PRDM15: variants seen among roughly 807,000 people sequenced by gnomAD.
PRDM15 encodes the protein PR domain zinc finger protein 15.
A neutral mutation model predicts 128.6 loss-of-function variants in PRDM15; 64 were observed. The ratio of observed to expected loss-of-function variants is 0.50; its 90% CI spans 0.41 to 0.61. The LOEUF (loss-of-function observed/expected upper bound fraction) is 0.61, where lower values mean the gene tolerates loss of function less well. Ranked by LOEUF, PRDM15 falls within the 20% of genes least tolerant of loss-of-function variation. PRDM15 has a pLI of 0.00. For synonymous variants in PRDM15, 615 were observed against 621.8 expected (o/e 0.99, Z 0.16); for missense variants, 1,242 against 1,569.1 (o/e 0.79, Z 3.52).
chr21:41,854,626 C>T lies in PRDM15; in HGVS notation c.478G>A (p.Ala160Thr). ...TTGTCCATCTTCTTGGCATAGAAGG[C>T]CGCATACCACACGCGCAGCTCGGTA... is the stretch of plus-strand genomic sequence containing the variant. ...PGTELRVWYAAFYAKKMDKPM... is the reference protein window; with the variant it reads ...PGTELRVWYATFYAKKMDKPM... The change falls in exon 5 of 24, where the codon GCC becomes ACC. Residue 160 changes from alanine (A) to threonine (T), a missense_variant. Physicochemically the swap from Ala to Thr is moderately conservative, Grantham distance 58. Coordinates refer to ENST00000398548, the MANE Select transcript of PRDM15 (RefSeq NM_001040424.3). The surrounding 1 kb of genome is among the most constrained non-coding windows in gnomAD (Gnocchi z 4.6). The T allele has an allele frequency of 6.2e-7, 1 of 1,613,756 alleles. No homozygotes were observed. Among genetic ancestry groups the T allele is most frequent in the South Asian group, 1.1e-5 (1 of 91,086 alleles).
At chr21:41,848,283 T>A (rs1387128704) in intron 5 of PRDM15, among the ~76,000 whole-genome samples, 1 of 152,256 alleles carries the variant, frequency 6.6e-6, no homozygotes, top group Non-Finnish European at 1.5e-5. Flanking sequence ...AGGAAAAAGA[T>A]ATAGGTTACT....
In PRDM15 at chr21:41,859,811, A is replaced by G; in HGVS notation, c.38-126T>C. 5.3e-6 allele frequency: 4 copies of G among 752,362 alleles called. No homozygotes were observed. The highest frequency in any genetic ancestry group is 4.6e-5 in the South Asian group (3 of 64,840). 46.6% of individuals were successfully genotyped at this position (752,362 alleles called of 1,614,324 possible). A position where few individuals can be genotyped will look rare whatever the true frequency, so the allele number is the denominator to read the frequency against. ...AGTCATGAGACACATGCATGCCGAC[A>G]CTGCAAAGACAAGCAAGGGAGGGTG... On this transcript the variant is annotated intron_variant, in intron 2 of 23. Transcript: ENST00000398548. This position sits in a 1 kb window ranked among gnomAD's most constrained non-coding sequence, Gnocchi z 5.3.
In PRDM15 at chr21:41,823,249, A is replaced by G. The variant is rs192004157; in HGVS notation, c.1761+69T>C. 1.2e-5 allele frequency: 19 copies of G among 1,572,208 alleles called. No homozygotes were observed. In the Admixed American group the frequency reaches 2.9e-4, roughly 24 times the overall value. On this transcript the variant is annotated intron_variant, in intron 14 of 23. Transcript: ENST00000398548. ...TGCCCACAGAACTCTGCTATGGCTG[A>G]CTGTGACAGACGCTGGCCTGGGGGC...
At chr21:41,853,757 A>G (rs2063497106) in intron 5 of PRDM15, among the ~76,000 whole-genome samples, 1 of 152,180 alleles carries the variant, frequency 6.6e-6, no homozygotes, top group Admixed American at 6.5e-5. Context: ...CTTTCTTTGA[A>G]CACGCATGCA....
Position 41,801,417 on chromosome 21 carries a change from G to A in PRDM15, c.3249C>T (p.Thr1083=). 6.2e-7 allele frequency: 1 copy of A among 1,614,098 alleles called. No individual in the cohort carries two copies. The highest frequency in any genetic ancestry group is 8.5e-7 in the Non-Finnish European group (1 of 1,179,966). ...QSVAHFINLT[T]LVNSITPLGS... is the part of the protein sequence containing the mutation. ...CCAGGGGCGTGATGGAGTTGACCAG[G>A]GTCGTCAGGTTGATGAAATGGGCCA... The change falls in exon 24 of 24, where the codon ACC becomes ACT. Residue 1083 remains threonine (T), a synonymous_variant. Transcript: ENST00000398548.
chr21:41,830,469 CCACA>C (rs1213353547), intron 11 of PRDM15, among the ~76,000 whole-genome samples: 1 of 151,112 alleles, frequency 6.6e-6, no homozygotes, highest in Admixed American at 6.6e-5. Context: ...CACACATACA[CCACA>C]CACACACTGA....
intron 10 of PRDM15, 31 bp from the exon 11 acceptor site, chr21:41,835,555 G>C: frequency 6.3e-7 from 1 of 1,581,420 alleles, no homozygotes; most frequent in Non-Finnish European, 8.6e-7. Context: ...TGAGTGAGAT[G>C]GCCCAGCGCA....
At chr21:41,812,750 ACTGCC>A (rs1203149425) in intron 19 of PRDM15, 1 of 152,254 alleles carries the variant, frequency 6.6e-6, no homozygotes, top group East Asian at 1.9e-4. Flanking sequence ...GCTGTGGGCC[ACTGCC>A]CTGAGGAACG....
chr21:41,821,846 G>C lies in PRDM15; in HGVS notation c.1896+57C>G. The C allele has an allele frequency of 6.2e-7, 1 of 1,606,206 alleles. No individual in the cohort carries two copies. Among genetic ancestry groups the C allele is most frequent in the Non-Finnish European group, 8.5e-7 (1 of 1,177,316 alleles). On this transcript the variant is annotated intron_variant, in intron 15 of 23. Transcript: ENST00000398548. The surrounding 1 kb of genome is among the most constrained non-coding windows in gnomAD (Gnocchi z 5.4). The stretch of plus-strand genomic sequence containing the variant: ...CCTGCTGTGTGGGGCCCACAGCCTT[G>C]AAACGACCACCTTCCTCTCCAGACC...
chr21:41,833,238 ACAC>A (rs2062756727), intron 11 of PRDM15, among the ~76,000 whole-genome samples: 1 of 152,080 alleles, frequency 6.6e-6, no homozygotes, highest in East Asian at 1.9e-4. Context: ...GCACCTGGTC[ACAC>A]CACAAGGGAC....
chr21:41,855,816 G>A (rs1186367123), intron 4 of PRDM15, among the ~76,000 whole-genome samples: 1 of 152,230 alleles, frequency 6.6e-6, no homozygotes, highest in African/African-American at 2.4e-5. Flanking sequence ...CAAAGGACAG[G>A]CAGGTAGCCA....
intron 11 of PRDM15, among the ~76,000 whole-genome samples, chr21:41,829,096 AAT>A (rs2062585442): frequency 7.0e-6 from 1 of 142,592 alleles, no homozygotes; most frequent in East Asian, 2.2e-4. Flanking sequence ...GCCCCACAGA[AAT>A]ACACAATCAC....
intron 1 of PRDM15, chr21:41,867,361 G>A (rs138685957): frequency 6.2e-7 from 1 of 1,613,834 alleles, no homozygotes; most frequent in Non-Finnish European, 8.5e-7. Context: ...CCCAGGAAAA[G>A]TTTTGTGCAA....
chr21:41,799,178 G>C lies in PRDM15; in HGVS notation c.*2062C>G, dbSNP rs889773280. 2 of 152,210 alleles carry C rather than the reference G, an allele frequency of 1.3e-5. No individual in the cohort carries two copies. Among genetic ancestry groups the C allele is most frequent in the South Asian group, 2.1e-4 (1 of 4,826 alleles). The allele number at this position is 152,210 out of a possible 1,614,324, so 9.4% of individuals were successfully genotyped here. A position where few individuals can be genotyped will look rare whatever the true frequency, so the allele number is the denominator to read the frequency against. On this transcript the variant is annotated 3_prime_UTR_variant, in exon 24 of 24. Transcript: ENST00000398548. The stretch of plus-strand genomic sequence containing the variant: ...AGAGGAATAAAAGATCAATGCTAGT[G>C]GGTGTTTCGTCATGAGCCCAAAGCC...
At chr21:41,826,919 G>A (rs2062490491) in intron 12 of PRDM15, among the ~76,000 whole-genome samples, 1 of 152,192 alleles carries the variant, frequency 6.6e-6, no homozygotes, top group Non-Finnish European at 1.5e-5. Flanking sequence ...ATGCAACCCA[G>A]CTACACTGTG....
chr21:41,847,044 C>G (rs759842572), intron 6 of PRDM15, 46 bp downstream of exon 6: 2 of 1,288,366 alleles, frequency 1.6e-6, no homozygotes, highest in African/African-American at 1.5e-5. Context: ...AGAGAGAAAT[C>G]GACACAGGAG....
intron 14 of PRDM15, chr21:41,823,063 C>A: frequency 4.4e-6 from 2 of 452,180 alleles, no homozygotes; most frequent in Non-Finnish European, 8.1e-6. Context: ...GGGATTTGGG[C>A]CCTTATAGAA....
chr21:41,835,603 G>A (rs965221086), intron 10 of PRDM15, 79 bp from the exon 11 acceptor site: 2 of 1,129,026 alleles, frequency 1.8e-6, no homozygotes, highest in African/African-American at 1.5e-5. Context: ...TGCTGCCCGG[G>A]CGACTCCACG....
intron 5 of PRDM15, among the ~76,000 whole-genome samples, chr21:41,851,733 T>G (rs1382647942): frequency 6.6e-6 from 1 of 151,762 alleles, no homozygotes; most frequent in African/African-American, 2.4e-5. Flanking sequence ...AACAGGGGGC[T>G]CTCTCGGGAA....
Sources: allele counts gnomAD v4.1 joint callset (sites outside exome capture counted in the v4.1 genomes callset), GRCh38; gene constraint gnomAD v4.1.1; non-coding constraint Gnocchi (gnomAD v3.1); transcripts MANE v1.5; gene names NCBI Gene and HGNC (gene_info 2026-07-23, HGNC 2026-07-21).